FRMPD3: variants seen among roughly 807,000 people sequenced by gnomAD.
FRMPD3 encodes FERM and PDZ domain-containing protein 3.
Under a neutral mutation model 97.9 loss-of-function variants are expected in FRMPD3, and 42 were observed. The ratio of observed to expected loss-of-function variants is 0.43; its 90% CI spans 0.34 to 0.55. The LOEUF is 0.55. FRMPD3 is among the 20% of genes least tolerant of loss of function. The pLI, the probability that FRMPD3 is intolerant of heterozygous loss-of-function variation, is 0.03. For synonymous variants in FRMPD3, 577 were observed against 581.1 expected, an observed-to-expected ratio of 0.99 and a Z score of 0.10; for missense variants, 1,303 against 1,457.7, an observed-to-expected ratio of 0.89 and a Z score of 1.73.
intron 1 of FRMPD3, among the ~76,000 whole-genome samples, chrX:107,482,911 G>A (rs1413246237): frequency 9.0e-6 from 1 of 111,252 alleles, no homozygotes. Context: ...GAAGGAACAG[G>A]GCAGTTCTCA....
At chrX:107,482,107 T>G (rs1435333080) in intron 1 of FRMPD3, among the ~76,000 whole-genome samples, 1 of 110,683 alleles carries the variant, frequency 9.0e-6, no homozygotes, top group Non-Finnish European at 1.9e-5. Context: ...TTTGTTTGTT[T>G]GTTTTGTTTT....
rs1454769234 is a variant in FRMPD3 at position 107,450,607 on chromosome X, G to C, written c.-8+602G>C. 2.0e-3 allele frequency among the ~76,000 whole-genome samples: 205 copies of C among 102,053 alleles called. 2 individuals carry two copies. Among genetic ancestry groups the C allele is most frequent in the African/African-American group, 8.1e-3 (194 of 23,890 alleles). 88.6% of individuals were successfully genotyped at this position (102,053 alleles called of 115,157 possible). ...ACACACACACACACACACACAGAGAGAGAGAGAGAGAGCGCGAGCTACACT... is the reference window on the plus strand; with the variant it reads ...ACACACACACACACACACACAGAGACAGAGAGAGAGAGCGCGAGCTACACT... On this transcript the variant is annotated intron_variant, in intron 1 of 14. Transcript: ENST00000683843.
At chrX:107,558,639 A>C (rs1922209625) in intron 8 of FRMPD3, among the ~76,000 whole-genome samples, 1 of 112,067 alleles carries the variant, frequency 8.9e-6, no homozygotes, top group African/African-American at 3.2e-5. Flanking sequence ...ATAATAAAAA[A>C]TACAAAATTT....
intron 5 of FRMPD3, among the ~76,000 whole-genome samples, chrX:107,546,882 A>AT (rs1402958241): frequency 9.0e-6 from 1 of 111,610 alleles, no homozygotes; most frequent in Non-Finnish European, 1.9e-5. Flanking sequence ...CTTCTATATT[A>AT]TTTAAGGCAG....
chrX:107,534,344 T>G (rs771492086), intron 4 of FRMPD3, among the ~76,000 whole-genome samples: 80 of 110,961 alleles, frequency 7.2e-4, no homozygotes, highest in Admixed American at 2.3e-3. Context: ...CCTGTCCCCT[T>G]ATTAATGTCC....
rs1931237097 is a variant in FRMPD3 at position 107,449,691 on chromosome X, G to A, written c.-322G>A. 9.2e-6 allele frequency among the ~76,000 whole-genome samples: 1 copy of A among 109,119 alleles called. No homozygotes were observed. The highest frequency in any genetic ancestry group is 9.5e-5 in the Admixed American group (1 of 10,518). The allele number at this position is 109,119 out of a possible 115,157, so 94.8% of individuals were successfully genotyped here. ...AGAGCGACGAGCGAGCCACGGCGAT[G>A]GTGCCGCCCGCGGCGCAGCCATGAA... On this transcript the variant is annotated 5_prime_UTR_variant, in exon 1 of 15. An upstream start codon of the reference 5' UTR is lost. Transcript: ENST00000683843.
intron 1 of FRMPD3, among the ~76,000 whole-genome samples, chrX:107,491,892 GT>G (rs377589534): frequency 0.032 from 3,540 of 110,663 alleles, 140 homozygotes; most frequent in African/African-American, 0.11. Flanking sequence ...TCCCTTCGTG[GT>G]TTTTTTCCTC....
At position 107,560,312 on chromosome X, in the gene FRMPD3, T is replaced by C; in HGVS notation, c.818T>C (p.Leu273Pro). The change falls in exon 9 of 15, where the codon CTT becomes CCT. Residue 273 changes from leucine to proline, a missense_variant. Transcript: ENST00000683843. The part of the protein sequence containing the change: ...RFGMDPKPEM[L>P]LGLAALHIYI... ...GGAATGGATCCCAAGCCAGAGATGC[T>C]TTTGGGCCTTGCTGCGCTCCACATC... is the stretch of plus-strand genomic sequence containing the variant. 8.3e-7 allele frequency: 1 copy of C among 1,209,165 alleles called. No individual in the cohort carries two copies. Among genetic ancestry groups the C allele is most frequent in the Non-Finnish European group, 1.1e-6 (1 of 894,750 alleles).
At chrX:107,454,417 C>T (rs971318195) in intron 1 of FRMPD3, among the ~76,000 whole-genome samples, 1 of 111,423 alleles carries the variant, frequency 9.0e-6, no homozygotes, top group Non-Finnish European at 1.9e-5. Context: ...AGCTTGCTCT[C>T]AGACTCAGTA....
intron 13 of FRMPD3, 86 bp from the exon 14 acceptor site, chrX:107,597,235 C>CAGAG (rs1924214518): frequency 1.2e-6 from 1 of 837,680 alleles, no homozygotes; most frequent in African/African-American, 2.0e-5. Context: ...GATTGTGCTA[C>CAGAG]AGAGACATGG....
At chrX:107,575,896 T>A (rs771897314) in intron 12 of FRMPD3, among the ~76,000 whole-genome samples, 1 of 111,657 alleles carries the variant, frequency 9.0e-6, no homozygotes, top group East Asian at 2.8e-4. Context: ...AAGACATAGC[T>A]CTTGCACCCA....
chrX:107,519,316 C>A (rs1324889525), intron 1 of FRMPD3, among the ~76,000 whole-genome samples: 2 of 111,144 alleles, frequency 1.8e-5, no homozygotes, highest in African/African-American at 6.6e-5. Flanking sequence ...GGCAATATGG[C>A]AAAACCCCAT....
At chrX:107,551,390 C>A (rs190428791) in intron 6 of FRMPD3, among the ~76,000 whole-genome samples, 35 of 111,955 alleles carry the variant, frequency 3.1e-4, no homozygotes, top group African/African-American at 1.1e-3. Flanking sequence ...ATGTGAATAT[C>A]GCTTTGTGTC....
intron 1 of FRMPD3, among the ~76,000 whole-genome samples, chrX:107,450,540 C>T (rs1931265350): frequency 9.4e-6 from 1 of 106,853 alleles, no homozygotes; most frequent in Non-Finnish European, 1.9e-5. Context: ...CGCTCAGCCA[C>T]ACAGTCAGCC....
intron 13 of FRMPD3, among the ~76,000 whole-genome samples, chrX:107,582,632 A>G (rs1373974972): frequency 8.9e-6 from 1 of 111,798 alleles, no homozygotes; most frequent in Non-Finnish European, 1.9e-5. Flanking sequence ...TGAAATATCT[A>G]TTCAAATCAT....
At position 107,467,023 on chromosome X, in the gene FRMPD3, T is replaced by TGTGTGTGA. The variant is rs1170634963; in HGVS notation, c.-8+17019_-8+17020insTGTGTGAG. Among the ~76,000 whole-genome samples the TGTGTGTGA allele has an allele frequency of 6.1e-3, 596 of 98,318 alleles. 10 individuals carry two copies. The highest frequency in any genetic ancestry group is 0.022 in the African/African-American group (573 of 26,090). 85.4% of individuals were successfully genotyped at this position (98,318 alleles called of 115,157 possible). ...GTGTGTGTGTGTGTGTGTGTGTGTGTGAGAGAGAGAGAGAGAGAAAGAGAG... is the reference window on the plus strand; with the variant it reads ...GTGTGTGTGTGTGTGTGTGTGTGTGTGTGTGTGAGAGAGAGAGAGAGAGAGAAAGAGAG... On this transcript the variant is annotated intron_variant, in intron 1 of 14. Coordinates refer to ENST00000683843, the MANE Select transcript of FRMPD3 (RefSeq NM_001388459.1).
At chrX:107,570,775 G>C (rs1922852968) in intron 12 of FRMPD3, among the ~76,000 whole-genome samples, 1 of 111,431 alleles carries the variant, frequency 9.0e-6, no homozygotes, top group African/African-American at 3.3e-5. Flanking sequence ...AGGGATGCTA[G>C]AGTGAGCGAA....
At chrX:107,554,128 A>G (rs899556337) in intron 7 of FRMPD3, among the ~76,000 whole-genome samples, 29 of 111,507 alleles carry the variant, frequency 2.6e-4, no homozygotes, top group African/African-American at 8.8e-4. Context: ...TTTAGACCCA[A>G]TGGTTGATAA....
chrX:107,545,687 A>G (rs1439061748), intron 4 of FRMPD3, 50 bp from the exon 5 acceptor site: 1 of 1,030,886 alleles, frequency 9.7e-7, no homozygotes, highest in Non-Finnish European at 1.4e-6. Flanking sequence ...GACAAAGGTT[A>G]GGCTTTCCCT....
Sources: gnomAD v4.1 joint callset for allele counts (sites outside exome capture counted in the v4.1 genomes callset) on GRCh38, gnomAD v4.1.1 for gene constraint, MANE v1.5 for transcripts, NCBI Gene and HGNC (gene_info 2026-07-23, HGNC 2026-07-21) for gene names.